The following ITCH variants were observed in gnomAD, a reference collection of about 807,000 sequenced individuals.
The protein encoded by ITCH is E3 ubiquitin-protein ligase Itchy homolog.
ITCH carries 28 observed loss-of-function variants against 126.8 expected under a neutral mutation model. The ratio of observed to expected loss-of-function variants is 0.22; its 90% CI spans 0.16 to 0.30. The LOEUF (loss-of-function observed/expected upper bound fraction) is 0.30, where lower values mean the gene tolerates loss of function less well. Ranked by LOEUF, ITCH falls within the 10% of genes least tolerant of loss-of-function variation. The pLI, the probability that ITCH is intolerant of heterozygous loss-of-function variation, is 1.00. For missense variants in ITCH, 631 were observed against 1,032.4 expected (o/e 0.61, Z 5.33); for synonymous variants, 342 against 340.0 (o/e 1.01, Z -0.06).
chr20:34,375,695 AATTTTTTTT>A (rs1258857992), intron 2 of ITCH, among the ~76,000 whole-genome samples: 89 of 135,142 alleles, frequency 6.6e-4, no homozygotes, highest in African/African-American at 2.5e-3. Context: ...TGGTAGTTAA[AATTTTTTTT>A]TTTTTTTTTT....
intron 2 of ITCH, among the ~76,000 whole-genome samples, chr20:34,383,422 A>G (rs1444034351): frequency 6.8e-6 from 1 of 146,784 alleles, no homozygotes; most frequent in Non-Finnish European, 1.5e-5. Flanking sequence ...GCTGGAGTGC[A>G]ATGGTGCAAT....
intron 24 of ITCH, among the ~76,000 whole-genome samples, chr20:34,507,018 A>G (rs772211893): frequency 1.3e-5 from 2 of 152,224 alleles, no homozygotes; most frequent in Non-Finnish European, 2.9e-5. Context: ...TTATGCTGCT[A>G]TAAACATAGG....
chr20:34,465,061 G>A (rs1275051213), intron 14 of ITCH, among the ~76,000 whole-genome samples: 1 of 152,142 alleles, frequency 6.6e-6, no homozygotes, highest in Non-Finnish European at 1.5e-5. Flanking sequence ...TCCATTTTAA[G>A]TTAAATTTTG....
intron 12 of ITCH, among the ~76,000 whole-genome samples, chr20:34,456,933 C>G (rs1986063507): frequency 6.6e-6 from 1 of 151,310 alleles, no homozygotes. Context: ...AAAAAAAAAT[C>G]CCTAAATGGA....
chr20:34,373,299 G>A (rs1026233180), intron 2 of ITCH, among the ~76,000 whole-genome samples: 13 of 149,178 alleles, frequency 8.7e-5, no homozygotes, highest in African/African-American at 3.2e-4. Flanking sequence ...TTTTTTTGAG[G>A]CAGAGTCTTG....
intron 13 of ITCH, 100 bp downstream of exon 13, chr20:34,457,574 A>G: frequency 1.2e-6 from 1 of 815,982 alleles, no homozygotes; most frequent in African/African-American, 1.7e-5. Context: ...CCAAAGACCT[A>G]AAACGTTAAT....
chr20:34,454,220 C>T (rs1425212084), intron 12 of ITCH, among the ~76,000 whole-genome samples: 2 of 150,394 alleles, frequency 1.3e-5, no homozygotes, highest in Non-Finnish European at 3.0e-5. Flanking sequence ...TCACTGCAAC[C>T]TCCGCCTCCC....
At chr20:34,441,141 A>T (rs989192500) in intron 9 of ITCH, among the ~76,000 whole-genome samples, 6 of 151,680 alleles carry the variant, frequency 4.0e-5, no homozygotes, top group African/African-American at 1.5e-4. Context: ...GTGTGGTGGC[A>T]GGCGCCTGTA....
chr20:34,496,090 G>A (rs1301263366), intron 23 of ITCH, among the ~76,000 whole-genome samples: 1 of 151,836 alleles, frequency 6.6e-6, no homozygotes, highest in African/African-American at 2.4e-5. Context: ...TTAAGAAGAA[G>A]AATTTACATC....
chr20:34,442,137 T>C, intron 9 of ITCH, 71 bp from the exon 10 acceptor site: 2 of 1,064,414 alleles, frequency 1.9e-6, no homozygotes, highest in South Asian at 1.3e-5. Flanking sequence ...TTAATGGAAA[T>C]GCAAAGACAG....
intron 6 of ITCH, among the ~76,000 whole-genome samples, chr20:34,414,497 G>C (rs1281141483): frequency 7.5e-5 from 6 of 79,632 alleles, no homozygotes; most frequent in Non-Finnish European, 1.2e-4. Context: ...ACGGAGTTTT[G>C]CTCTTGTTAT....
chr20:34,381,705 C>T (rs983052682), intron 2 of ITCH, among the ~76,000 whole-genome samples: 3 of 151,800 alleles, frequency 2.0e-5, no homozygotes, highest in Non-Finnish European at 2.9e-5. Flanking sequence ...AGATTACAGA[C>T]GTGAGCGACC....
intron 2 of ITCH, among the ~76,000 whole-genome samples, chr20:34,381,609 G>A (rs1330587957): frequency 6.6e-6 from 1 of 151,978 alleles, no homozygotes; most frequent in African/African-American, 2.4e-5. Context: ...TGTTTTTTTA[G>A]TAGAGACGGG....
At chr20:34,404,140 CATA>C (rs2038974186) in intron 3 of ITCH, among the ~76,000 whole-genome samples, 1 of 152,114 alleles carries the variant, frequency 6.6e-6, no homozygotes, top group African/African-American at 2.4e-5. Context: ...AGAGGCCTCT[CATA>C]GTAGCCCAGG....
intron 10 of ITCH, among the ~76,000 whole-genome samples, chr20:34,443,408 T>C (rs1416935827): frequency 6.6e-6 from 1 of 151,592 alleles, no homozygotes; most frequent in African/African-American, 2.4e-5. Context: ...CTCCGGAGGC[T>C]GAGGCAGGAG....
Position 34,486,960 on chromosome 20 carries a change from A to G in ITCH, c.2094-2306A>G, listed in dbSNP as rs187958671. Among the ~76,000 whole-genome samples the G allele has an allele frequency of 3.5e-5, 5 of 143,800 alleles. No homozygotes were observed. The East Asian group carries it at 1.1e-3, about 31-fold the overall frequency. 94.3% of individuals were successfully genotyped at this position (143,800 alleles called of 152,430 possible). A position where few individuals can be genotyped will look rare whatever the true frequency, so the allele number is the denominator to read the frequency against. On this transcript the variant is annotated intron_variant, in intron 20 of 24. Transcript: ENST00000374864. ...GCCTCCCAAAGTGCTGGGATTACAGATGTCAGCCACCACATCCAGCCACTC... is the reference window on the plus strand; with the variant it reads ...GCCTCCCAAAGTGCTGGGATTACAGGTGTCAGCCACCACATCCAGCCACTC...
chr20:34,465,663 T>C (rs189922501), intron 14 of ITCH, among the ~76,000 whole-genome samples: 1 of 152,156 alleles, frequency 6.6e-6, no homozygotes, highest in Non-Finnish European at 1.5e-5. Flanking sequence ...TTTTATTCTT[T>C]GTGATGCTAT....
At chr20:34,480,975 ATTATTT>A (rs1483630651) in intron 19 of ITCH, 85 bp from the exon 20 acceptor site, 100 of 1,290,886 alleles carry the variant, frequency 7.7e-5, no homozygotes, top group Non-Finnish European at 6.7e-5. Context: ...CTTAATATTA[ATTATTT>A]AAGAACATGG....
chr20:34,487,872 G>C (rs1309201672), intron 20 of ITCH, among the ~76,000 whole-genome samples: 3 of 152,194 alleles, frequency 2.0e-5, no homozygotes, highest in Non-Finnish European at 4.4e-5. Flanking sequence ...CCAGGTGGCG[G>C]AGGTTGCAGT....
Sources: allele counts gnomAD v4.1 joint callset (sites outside exome capture counted in the v4.1 genomes callset), GRCh38; gene constraint gnomAD v4.1.1; transcripts MANE v1.5; gene names NCBI Gene and HGNC (gene_info 2026-07-23, HGNC 2026-07-21).